The following LRRC49 variants were observed in gnomAD, a reference collection of about 807,000 sequenced individuals.
LRRC49 encodes the protein leucine rich repeat containing 49.
In LRRC49, 50 loss-of-function variants were observed where a neutral mutation model predicts 83.3. The ratio of observed to expected loss-of-function variants is 0.60; its 90% CI spans 0.48 to 0.76. The LOEUF (loss-of-function observed/expected upper bound fraction) is 0.76. Among genes scored for constraint, LRRC49 ranks in the 30% least tolerant of loss-of-function variants. The pLI is 0.00. For synonymous variants in LRRC49, 286 were observed against 283.3 expected, an observed-to-expected ratio of 1.01 and a Z score of -0.10; for missense variants, 704 against 809.1, an observed-to-expected ratio of 0.87 and a Z score of 1.58.
chr15:71,047,771 T>C (rs1003523158), intron 15 of LRRC49, among the ~76,000 whole-genome samples: 2 of 152,136 alleles, frequency 1.3e-5, no homozygotes, highest in African/African-American at 4.8e-5. Flanking sequence ...CATTTGTTTG[T>C]TTGTTTGTTT....
chr15:70,973,945 G>A (rs2037108352), intron 9 of LRRC49, among the ~76,000 whole-genome samples: 2 of 152,150 alleles, frequency 1.3e-5, no homozygotes, highest in South Asian at 4.2e-4. Context: ...TAGCCAACAT[G>A]GTGAAACCCC....
chr15:70,971,712 AT>A (rs1374102008), intron 9 of LRRC49, among the ~76,000 whole-genome samples: 1 of 144,986 alleles, frequency 6.9e-6, no homozygotes, highest in Non-Finnish European at 1.5e-5. Flanking sequence ...AGATCCCTTT[AT>A]TATTATGCAA....
At chr15:70,885,289 A>G (rs1201781020) in intron 2 of LRRC49, among the ~76,000 whole-genome samples, 1 of 152,206 alleles carries the variant, frequency 6.6e-6, no homozygotes, top group Non-Finnish European at 1.5e-5. Context: ...AAAGTATAAC[A>G]TAAAATGGGG....
At chr15:70,883,358 A>AT (rs2033317779) in intron 2 of LRRC49, among the ~76,000 whole-genome samples, 1 of 151,734 alleles carries the variant, frequency 6.6e-6, no homozygotes, top group Non-Finnish European at 1.5e-5. Context: ...CGCCCAGCTA[A>AT]TTTTTTTGTA....
At chr15:70,919,553 G>A (rs1415858322) in intron 7 of LRRC49, among the ~76,000 whole-genome samples, 3 of 152,180 alleles carry the variant, frequency 2.0e-5, no homozygotes, top group Non-Finnish European at 4.4e-5. Context: ...AGAGGGAAAA[G>A]GCACAGAGAG....
intron 11 of LRRC49, among the ~76,000 whole-genome samples, chr15:71,005,642 C>A (rs952642424): frequency 1.3e-5 from 2 of 152,076 alleles, no homozygotes; most frequent in African/African-American, 4.8e-5. Context: ...TTGCTATATC[C>A]AGAAACCTTT....
At chr15:70,989,528 A>G (rs1292411500) in intron 11 of LRRC49, among the ~76,000 whole-genome samples, 3 of 152,200 alleles carry the variant, frequency 2.0e-5, no homozygotes, top group Non-Finnish European at 1.5e-5. Flanking sequence ...CTAGTTATAC[A>G]TTCGTCTAAA....
intron 11 of LRRC49, among the ~76,000 whole-genome samples, chr15:70,995,985 T>G (rs2038062688): frequency 1.3e-5 from 2 of 152,104 alleles, no homozygotes; most frequent in Admixed American, 1.3e-4. Context: ...GGAGAGGATG[T>G]AAAAAGTAAT....
At chr15:70,883,402 C>G (rs2033318859) in intron 2 of LRRC49, among the ~76,000 whole-genome samples, 1 of 152,108 alleles carries the variant, frequency 6.6e-6, no homozygotes. Flanking sequence ...CCATGTTAGC[C>G]AGGCTGGTCT....
chr15:70,983,824 A>G (rs954721769), intron 10 of LRRC49, among the ~76,000 whole-genome samples: 8 of 152,102 alleles, frequency 5.3e-5, no homozygotes, highest in African/African-American at 1.9e-4. Context: ...AGTTGGTTGT[A>G]TATTTATTTT....
At chr15:70,980,005 C>T in intron 9 of LRRC49, 96 bp from the exon 10 acceptor site, 5 of 686,276 alleles carry the variant, frequency 7.3e-6, no homozygotes, top group East Asian at 2.7e-5. Context: ...AATACTATGC[C>T]TCTCAAGAAG....
Position 70,893,605 on chromosome 15 carries a change from G to C in LRRC49, c.70G>C (p.Val24Leu). The stretch of plus-strand genomic sequence containing the variant: ...TCAGGTGAACTGCGGGCTTCATCTG[G>C]TTATTCAAACATCATCGCTTCCTGA... ...ANNVNCGLHLVIQTSSLPEKN... is the reference protein window; with the variant it reads ...ANNVNCGLHLLIQTSSLPEKN... Residue 24 changes from valine (V) to leucine (L), a missense_variant, in exon 2 of 16, where the codon GTT becomes CTT. Physicochemically the swap from Val to Leu is conservative, Grantham distance 32. Transcript: ENST00000260382. The C allele has an allele frequency of 6.8e-6, 11 of 1,611,050 alleles. No individual in the cohort carries two copies. The highest frequency in any genetic ancestry group is 9.3e-6 in the Non-Finnish European group (11 of 1,178,610).
At chr15:70,908,127 C>T (rs1471510473) in intron 5 of LRRC49, 2 of 411,466 alleles carry the variant, frequency 4.9e-6, no homozygotes, top group Non-Finnish European at 9.9e-6. Flanking sequence ...GTTTTTCTTC[C>T]TGTTCACCTG....
intron 14 of LRRC49, among the ~76,000 whole-genome samples, chr15:71,034,288 C>T (rs2039451414): frequency 6.6e-6 from 1 of 152,106 alleles, no homozygotes; most frequent in Non-Finnish European, 1.5e-5. Context: ...AAAAAAAGGT[C>T]GACATCACTG....
At chr15:70,941,870 A>G (rs1354666178) in intron 8 of LRRC49, among the ~76,000 whole-genome samples, 1 of 152,190 alleles carries the variant, frequency 6.6e-6, no homozygotes, top group Non-Finnish European at 1.5e-5. Context: ...GTTTTCTATT[A>G]AAAGATTGCC....
At chr15:70,859,119 A>G (rs919858654) in intron 1 of LRRC49, 9 of 1,382,884 alleles carry the variant, frequency 6.5e-6, no homozygotes, top group African/African-American at 2.8e-5. Context: ...CGGAACAACA[A>G]GAACAACATG....
chr15:71,032,389 C>T (rs1660970), intron 14 of LRRC49, among the ~76,000 whole-genome samples: 1,854 of 152,130 alleles, frequency 0.012, 44 homozygotes, highest in African/African-American at 0.043. Flanking sequence ...GTGTTGGTCT[C>T]GCTGGGAGCT....
chr15:70,998,654 G>T (rs1346016875), intron 11 of LRRC49, among the ~76,000 whole-genome samples: 3 of 151,974 alleles, frequency 2.0e-5, no homozygotes, highest in Non-Finnish European at 2.9e-5. Context: ...ATGTGTCTTG[G>T]TGTGGATCTA....
intron 14 of LRRC49, among the ~76,000 whole-genome samples, chr15:71,017,445 C>T (rs1317805700): frequency 1.3e-5 from 2 of 151,564 alleles, no homozygotes; most frequent in African/African-American, 4.9e-5. Flanking sequence ...AGTGAAAATA[C>T]ATAAGCAGAC....
Sources: allele counts gnomAD v4.1 joint callset (sites outside exome capture counted in the v4.1 genomes callset), GRCh38; gene constraint gnomAD v4.1.1; transcripts MANE v1.5; gene names NCBI Gene and HGNC (gene_info 2026-07-23, HGNC 2026-07-21).